NAALADL2: variants seen among roughly 807,000 people sequenced by gnomAD.
The protein encoded by NAALADL2 is N-acetylated alpha-linked acidic dipeptidase like 2, also known as inactive N-acetylated-alpha-linked acidic dipeptidase-like protein 2.
A neutral mutation model predicts 87.2 loss-of-function variants in NAALADL2; 76 were observed. That is an observed-to-expected ratio of 0.87 (90% CI 0.72 to 1.05). The LOEUF (loss-of-function observed/expected upper bound fraction) is 1.05. Ranked by LOEUF, NAALADL2 falls within the 50% of genes least tolerant of loss-of-function variation. NAALADL2 has a pLI of 0.00. For synonymous variants in NAALADL2, 354 were observed against 331.0 expected (o/e 1.07, Z -0.75); for missense variants, 1,089 against 945.8 (o/e 1.15, Z -1.99).
At chr3:175,366,235 C>A (rs1467177967) in intron 5 of NAALADL2, among the ~76,000 whole-genome samples, 2 of 149,364 alleles carry the variant, frequency 1.3e-5, no homozygotes, top group Non-Finnish European at 1.5e-5. Context: ...ATATGTGCCA[C>A]ATTTTCTTAA....
chr3:175,681,473 A>T (rs774065902), intron 11 of NAALADL2, among the ~76,000 whole-genome samples: 2 of 152,206 alleles, frequency 1.3e-5, no homozygotes, highest in African/African-American at 4.8e-5. Context: ...TTAAAACCAC[A>T]TAAGCTAACA....
Position 175,290,356 on chromosome 3 carries a change from C to G in NAALADL2, c.940-33819C>G, listed in dbSNP as rs955498987. Reference sequence around the variant, plus strand: ...TGAGACAAATCCAAAAGAGTACATACTTTATGATTCCATTTATATGAAAAT... The same window carrying G: ...TGAGACAAATCCAAAAGAGTACATAGTTTATGATTCCATTTATATGAAAAT... On this transcript the variant is annotated intron_variant, in intron 4 of 13. Transcript: ENST00000454872. Among the ~76,000 whole-genome samples the G allele has an allele frequency of 3.3e-5, 5 of 152,260 alleles. No individual in the cohort carries two copies. The South Asian group carries it at 6.2e-4, about 19-fold the overall frequency.
intron 5 of NAALADL2, among the ~76,000 whole-genome samples, chr3:175,368,609 T>C (rs1270928208): frequency 1.3e-5 from 2 of 151,114 alleles, no homozygotes; most frequent in African/African-American, 4.8e-5. Flanking sequence ...ATAGCCAGTA[T>C]GTATATATGT....
At chr3:174,666,791 A>T (rs1174090123) in intron 2 of NAALADL2, among the ~76,000 whole-genome samples, 2 of 152,148 alleles carry the variant, frequency 1.3e-5, no homozygotes, top group Non-Finnish European at 2.9e-5. Flanking sequence ...AGAATTTTTT[A>T]TATTTCAAAA....
At chr3:175,579,315 A>G (rs1719394590) in intron 10 of NAALADL2, among the ~76,000 whole-genome samples, 1 of 152,176 alleles carries the variant, frequency 6.6e-6, no homozygotes, top group African/African-American at 2.4e-5. Context: ...ACTGTAGGAA[A>G]ATAAACTAGT....
chr3:174,845,616 A>G (rs1456328307), intron 3 of NAALADL2, among the ~76,000 whole-genome samples: 1 of 152,178 alleles, frequency 6.6e-6, no homozygotes, highest in African/African-American at 2.4e-5. Flanking sequence ...GGGTGTGTTC[A>G]GGCCAGGAAG....
At chr3:174,764,283 T>A (rs1338485049) in intron 3 of NAALADL2, among the ~76,000 whole-genome samples, 1 of 152,222 alleles carries the variant, frequency 6.6e-6, no homozygotes, top group East Asian at 1.9e-4. Flanking sequence ...TTAAGCTAGG[T>A]AACTTTTGTG....
intron 11 of NAALADL2, among the ~76,000 whole-genome samples, chr3:175,699,501 C>T (rs1738676775): frequency 1.3e-5 from 2 of 151,956 alleles, no homozygotes; most frequent in Non-Finnish European, 2.9e-5. Flanking sequence ...ATGTCTGGAG[C>T]CTCCCATTGA....
At chr3:174,884,105 C>A (rs115460893) in intron 1 of NAALADL2, among the ~76,000 whole-genome samples, 1 of 152,036 alleles carries the variant, frequency 6.6e-6, no homozygotes, top group Non-Finnish European at 1.5e-5. Context: ...CTCCTGGTGG[C>A]GGCATTCCTC....
chr3:175,342,729 A>G (rs1327137955), intron 5 of NAALADL2, among the ~76,000 whole-genome samples: 1 of 152,108 alleles, frequency 6.6e-6, no homozygotes. Flanking sequence ...CATTATTTTT[A>G]TTACTACCTT....
chr3:174,807,888 T>TGTGTGTGA (rs575685742), intron 3 of NAALADL2, among the ~76,000 whole-genome samples: 43 of 111,602 alleles, frequency 3.9e-4, no homozygotes, highest in African/African-American at 9.6e-4. Context: ...TGTGTGTGTG[T>TGTGTGTGA]GAGAGAGAGA....
intron 12 of NAALADL2, among the ~76,000 whole-genome samples, chr3:175,750,609 C>T (rs919078823): frequency 1.3e-5 from 2 of 152,110 alleles, no homozygotes; most frequent in Non-Finnish European, 2.9e-5. Flanking sequence ...GGAACACTCT[C>T]CCTCAATTGC....
At chr3:174,713,959 T>C (rs1183152857) in intron 2 of NAALADL2, among the ~76,000 whole-genome samples, 3 of 152,180 alleles carry the variant, frequency 2.0e-5, no homozygotes, top group African/African-American at 7.2e-5. Context: ...CTTTAATCCA[T>C]CTTGAATTAA....
chr3:175,246,251 T>C (rs1367057758), intron 3 of NAALADL2, among the ~76,000 whole-genome samples: 1 of 152,182 alleles, frequency 6.6e-6, no homozygotes, highest in African/African-American at 2.4e-5. Flanking sequence ...TAGATTTATA[T>C]ATGATAGTAG....
intron 2 of NAALADL2, among the ~76,000 whole-genome samples, chr3:174,593,292 G>A (rs1353619013): frequency 2.6e-5 from 4 of 152,120 alleles, no homozygotes; most frequent in Non-Finnish European, 5.9e-5. Flanking sequence ...GTATAACAGA[G>A]TAACTATTAG....
intron 1 of NAALADL2, among the ~76,000 whole-genome samples, chr3:174,978,194 G>C (rs185154368): frequency 2.1e-4 from 32 of 152,260 alleles, no homozygotes; most frequent in African/African-American, 6.5e-4. Context: ...TGCCAACCTA[G>C]GCCTTACTAT....
chr3:174,845,889 G>C (rs777445556), intron 3 of NAALADL2, among the ~76,000 whole-genome samples: 2 of 152,198 alleles, frequency 1.3e-5, no homozygotes, highest in Non-Finnish European at 2.9e-5. Context: ...GAATGGACGA[G>C]GTTGGTGGTC....
intron 5 of NAALADL2, among the ~76,000 whole-genome samples, chr3:175,422,037 C>T (rs1715793743): frequency 6.6e-6 from 1 of 152,052 alleles, no homozygotes; most frequent in South Asian, 2.1e-4. Flanking sequence ...GAAGGACACA[C>T]CCCATCATAG....
At chr3:174,569,570 G>A (rs1218078154) in intron 2 of NAALADL2, among the ~76,000 whole-genome samples, 3 of 151,954 alleles carry the variant, frequency 2.0e-5, no homozygotes, top group African/African-American at 7.3e-5. Flanking sequence ...CTGCTTCTTT[G>A]CATGTCTAAT....
Sources: allele counts gnomAD v4.1 joint callset (sites outside exome capture counted in the v4.1 genomes callset), GRCh38; gene constraint gnomAD v4.1.1; transcripts MANE v1.5; gene names NCBI Gene and HGNC (gene_info 2026-07-23, HGNC 2026-07-21).